SERTM1: variants seen among roughly 807,000 people sequenced by gnomAD.
SERTM1 encodes the protein serine-rich and transmembrane domain-containing protein 1.
SERTM1 carries 1 observed loss-of-function variant against 5.5 expected under a neutral mutation model. That is an observed-to-expected ratio of 0.18 (90% CI 0.06 to 0.86). The LOEUF (loss-of-function observed/expected upper bound fraction) is 0.86. Among genes scored for constraint, SERTM1 ranks in the 40% least tolerant of loss-of-function variants. SERTM1 has a pLI of 0.69. For synonymous variants in SERTM1, 52 were observed against 55.1 expected, an observed-to-expected ratio of 0.94 and a Z score of 0.25; for missense variants, 91 against 122.4, an observed-to-expected ratio of 0.74 and a Z score of 1.21.
At chr13:36,683,138 A>G (rs768802131) in intron 1 of SERTM1, among the ~76,000 whole-genome samples, 42 of 151,996 alleles carry the variant, frequency 2.8e-4, no homozygotes, top group Non-Finnish European at 4.9e-4. Flanking sequence ...ACCTGTTCCC[A>G]TTTGAAACCA....
chr13:36,692,798 C>T (rs2056787476), intron 1 of SERTM1, among the ~76,000 whole-genome samples: 1 of 152,190 alleles, frequency 6.6e-6, no homozygotes, highest in Non-Finnish European at 1.5e-5. Context: ...TCTTTTCTTA[C>T]CACAGTTGAG....
At chr13:36,675,371 G>T (rs2056663408) in intron 1 of SERTM1, among the ~76,000 whole-genome samples, 1 of 152,168 alleles carries the variant, frequency 6.6e-6, no homozygotes, top group Non-Finnish European at 1.5e-5. Context: ...TCCCTAAGAC[G>T]TTTCTCCTAG....
In SERTM1 at chr13:36,695,215, C is replaced by A; in HGVS notation, c.137C>A (p.Ser46Tyr). 1 of 1,614,202 alleles carries A rather than the reference C, an allele frequency of 6.2e-7. No individual in the cohort carries two copies. Among genetic ancestry groups the A allele is most frequent in the Non-Finnish European group, 8.5e-7 (1 of 1,180,034 alleles). ...CTGTCAAACGTCTACATCTATGTGTCCATATTCCTCAGCCTTTTAGCGTTT... is the reference window on the plus strand; with the variant it reads ...CTGTCAAACGTCTACATCTATGTGTACATATTCCTCAGCCTTTTAGCGTTT... ...GHLSNVYIYV[S>Y]IFLSLLAFLL... is the part of the protein sequence containing the mutation. Residue 46 changes from serine (S) to tyrosine (Y), a missense_variant, in exon 2 of 2, where the codon TCC (serine) becomes TAC (tyrosine). Physicochemically the swap from Ser to Tyr is moderately radical, Grantham distance 144. Coordinates refer to ENST00000315190, the MANE Select transcript of SERTM1 (RefSeq NM_203451.3).
chr13:36,695,977 A>T lies in SERTM1; in HGVS notation c.*575A>T, dbSNP rs552560325. 6.0e-6 allele frequency: 1 copy of T among 167,322 alleles called. No individual in the cohort carries two copies. The highest frequency in any genetic ancestry group is 1.5e-5 in the Non-Finnish European group (1 of 68,212). The allele number at this position is 167,322 out of a possible 1,614,324, so 10.4% of individuals were successfully genotyped here. ...TAACAAGTAAAAATCACACTTATTG[A>T]TGAATGTAAGTCATTTGGGAAAGTT... On this transcript the variant is annotated 3_prime_UTR_variant, in exon 2 of 2. Transcript: ENST00000315190.
intron 1 of SERTM1, among the ~76,000 whole-genome samples, chr13:36,687,373 T>G (rs1270638917): frequency 2.6e-5 from 4 of 152,170 alleles, no homozygotes; most frequent in African/African-American, 9.7e-5. Context: ...TCAATAGAGA[T>G]AGATATAAAT....
At chr13:36,688,529 G>C (rs1349663946) in intron 1 of SERTM1, among the ~76,000 whole-genome samples, 1 of 152,052 alleles carries the variant, frequency 6.6e-6, no homozygotes, top group African/African-American at 2.4e-5. Flanking sequence ...TTTTCTGAAA[G>C]GTTGTCTAGT....
At position 36,681,386 on chromosome 13, in the gene SERTM1, C is replaced by T. The variant is rs192057344; in HGVS notation, c.-174+7202C>T. Among the ~76,000 whole-genome samples, 5 of 152,254 alleles carry T rather than the reference C, an allele frequency of 3.3e-5. No homozygotes were observed. In the East Asian group the frequency reaches 9.7e-4, roughly 29 times the overall value. On this transcript the variant is annotated intron_variant, in intron 1 of 1. Coordinates refer to ENST00000315190, the MANE Select transcript of SERTM1 (RefSeq NM_203451.3). The stretch of plus-strand genomic sequence containing the variant: ...GGAGCCAGGTGGCTACTTTGAGTAG[C>T]CCAGATCTCCAAAGTAGCACTTTGT...
chr13:36,684,661 CTG>C (rs1405014591), intron 1 of SERTM1, among the ~76,000 whole-genome samples: 1 of 151,796 alleles, frequency 6.6e-6, no homozygotes, highest in Non-Finnish European at 1.5e-5. Context: ...TGATGTGTCT[CTG>C]CATCCCAGCT....
chr13:36,683,209 T>C (rs2056717383), intron 1 of SERTM1, among the ~76,000 whole-genome samples: 1 of 152,316 alleles, frequency 6.6e-6, no homozygotes, highest in South Asian at 2.1e-4. Flanking sequence ...GCTCATCATA[T>C]TTGAGCTTGT....
chr13:36,676,144 G>A (rs980279949), intron 1 of SERTM1, among the ~76,000 whole-genome samples: 3 of 152,250 alleles, frequency 2.0e-5, no homozygotes, highest in Middle Eastern at 3.4e-3. Context: ...TTTATTTGCA[G>A]GTTTCCTGGG....
At chr13:36,684,381 C>T (rs996210946) in intron 1 of SERTM1, among the ~76,000 whole-genome samples, 3 of 152,012 alleles carry the variant, frequency 2.0e-5, no homozygotes, top group South Asian at 2.1e-4. Flanking sequence ...TGAGTTGTGG[C>T]GATTAAAGAA....
In SERTM1 at chr13:36,695,691, G is replaced by A. The variant is rs878953516; in HGVS notation, c.*289G>A. 7.2e-5 allele frequency: 32 copies of A among 443,110 alleles called. No homozygotes were observed. The highest frequency in any genetic ancestry group is 1.1e-4 in the Non-Finnish European group (27 of 240,588). The allele number at this position is 443,110 out of a possible 1,614,324, so 27.4% of individuals were successfully genotyped here. A position where few individuals can be genotyped will look rare whatever the true frequency, so the allele number is the denominator to read the frequency against. On this transcript the variant is annotated 3_prime_UTR_variant, in exon 2 of 2. Transcript: ENST00000315190. The stretch of plus-strand genomic sequence containing the variant: ...GTCAGTTCATTCTACTTTGTTGGAC[G>A]CCGTAGGCTCATCTGAGGTGGCCTC...
Position 36,695,373 on chromosome 13 carries a change from A to G in SERTM1, c.295A>G (p.Arg99Gly), listed in dbSNP as rs779447359. The change falls in exon 2 of 2, where the codon AGG (arginine) becomes GGG (glycine). Residue 99 changes from arginine to glycine, a missense_variant. By Grantham distance (125) the Arg-to-Gly change is moderately radical. Coordinates refer to ENST00000315190, the MANE Select transcript of SERTM1 (RefSeq NM_203451.3). ...GGAAGTCTGCAGCATTTCCTCTCAG[A>G]GGTCCACTTTTTCAAACCTTTCATC... ...NLEVCSISSQ[R>G]STFSNLSS is the part of the protein sequence containing the mutation. 6.2e-7 allele frequency: 1 copy of G among 1,613,838 alleles called. No individual in the cohort carries two copies. Among genetic ancestry groups the G allele is most frequent in the South Asian group, 1.1e-5 (1 of 91,070 alleles).
chr13:36,693,394 CTT>C (rs569147311), intron 1 of SERTM1, among the ~76,000 whole-genome samples: 3 of 144,850 alleles, frequency 2.1e-5, no homozygotes, highest in Middle Eastern at 3.6e-3. Context: ...TCTTCTTCTT[CTT>C]TTTTTTTTTT....
rs1209987458 is a variant in SERTM1, at chr13:36,697,476, T to TG, written c.*2074_*2075insG. Reference sequence around the variant, plus strand: ...AACAAGGACATGGATGAAGTGATTTTTTTTTAAATAAAAGGACAAATTTGC... The same window carrying TG: ...AACAAGGACATGGATGAAGTGATTTTGTTTTTAAATAAAAGGACAAATTTGC... On this transcript the variant is annotated 3_prime_UTR_variant, in exon 2 of 2. Transcript: ENST00000315190. 1 of 166,326 alleles carries TG rather than the reference T, an allele frequency of 6.0e-6. No individual in the cohort carries two copies. The highest frequency in any genetic ancestry group is 1.5e-5 in the Non-Finnish European group (1 of 67,970). 10.3% of individuals were successfully genotyped at this position (166,326 alleles called of 1,614,324 possible). A position where few individuals can be genotyped will look rare whatever the true frequency, so the allele number is the denominator to read the frequency against.
At chr13:36,679,633 CTG>C (rs2056691068) in intron 1 of SERTM1, among the ~76,000 whole-genome samples, 1 of 152,150 alleles carries the variant, frequency 6.6e-6, no homozygotes, top group Admixed American at 6.5e-5. Context: ...TCTTGAACTC[CTG>C]ACTTCAAGTG....
chr13:36,679,562 C>T (rs917786589), intron 1 of SERTM1, among the ~76,000 whole-genome samples: 2 of 152,056 alleles, frequency 1.3e-5, no homozygotes, highest in Admixed American at 1.3e-4. Context: ...TGCCTGCCAC[C>T]ACACCTGGCT....
chr13:36,687,227 C>T (rs2056747106), intron 1 of SERTM1, among the ~76,000 whole-genome samples: 3 of 152,138 alleles, frequency 2.0e-5, no homozygotes, highest in Admixed American at 2.0e-4. Flanking sequence ...AAGCGAAAGA[C>T]TCTGTTAGCT....
intron 1 of SERTM1, among the ~76,000 whole-genome samples, chr13:36,676,295 T>C (rs185437630): frequency 2.8e-4 from 43 of 152,038 alleles, no homozygotes; most frequent in Admixed American, 2.4e-3. Context: ...GACTAACTCA[T>C]CACAGGCAAA....
Sources: allele counts gnomAD v4.1 joint callset (sites outside exome capture counted in the v4.1 genomes callset), GRCh38; gene constraint gnomAD v4.1.1; transcripts MANE v1.5; gene names NCBI Gene and HGNC (gene_info 2026-07-23, HGNC 2026-07-21).